The following PHLDA1 variants were observed in gnomAD, a reference collection of about 807,000 sequenced individuals.
PHLDA1 encodes pleckstrin homology-like domain family A member 1.
PHLDA1 carries 28 observed loss-of-function variants against 33.8 expected under a neutral mutation model. The ratio of observed to expected loss-of-function variants is 0.83; its 90% CI spans 0.61 to 1.14. The LOEUF (loss-of-function observed/expected upper bound fraction) is 1.14, where lower values mean the gene tolerates loss of function less well. Ranked by LOEUF, PHLDA1 falls within the 50% of genes most tolerant of loss-of-function variation. The pLI is 0.00. For synonymous variants in PHLDA1, 271 were observed against 243.6 expected, an observed-to-expected ratio of 1.11 and a Z score of -1.05; for missense variants, 595 against 548.6, an observed-to-expected ratio of 1.08 and a Z score of -0.84.
chr12:76,030,658 G>C (rs373058219), exon 1 of PHLDA1: 1 of 1,332,924 alleles, frequency 7.5e-7, no homozygotes, highest in Non-Finnish European at 1.1e-6. Context: ...TGCGAGTGAG[G>C]ATGAGAGTGT....
exon 1 of PHLDA1, chr12:76,030,782 T>C (rs1870879585): frequency 6.9e-7 from 1 of 1,449,382 alleles, no homozygotes; most frequent in Middle Eastern, 1.8e-4. Context: ...GAGGCTGGGG[T>C]TGGGGCTGGA....
Position 76,031,146 on chromosome 12 carries a change from T to C in PHLDA1, c.596A>G (p.Gln199Arg). The C allele has an allele frequency of 6.7e-7, 1 of 1,489,440 alleles. No individual in the cohort carries two copies. The highest frequency in any genetic ancestry group is 8.9e-7 in the Non-Finnish European group (1 of 1,127,846). 92.3% of individuals were successfully genotyped at this position (1,489,440 alleles called of 1,614,324 possible). A position where few individuals can be genotyped will look rare whatever the true frequency, so the allele number is the denominator to read the frequency against. The change falls in exon 1 of 2, where the codon CAG becomes CGG. Residue 199 changes from glutamine (Q) to arginine (R), a missense_variant. Around this residue, in one of 3 missense-constraint regions of PHLDA1, gnomAD observed 328 missense variants for 295.7 expected, o/e 1.11. Transcript: ENST00000266671. This position sits in a 1 kb window ranked among gnomAD's most constrained non-coding sequence, Gnocchi z 5.4. The stretch of plus-strand genomic sequence containing the variant: ...CTGCCCGGGCTGTTGTTGCTGCTGC[T>C]GCTGCTGCTGTTGCTGCTGCTGCTG...
Position 76,031,467 on chromosome 12 carries a change from A to G in PHLDA1, c.275T>C (p.Leu92Pro). The G allele has an allele frequency of 6.5e-7, 1 of 1,535,264 alleles. No individual in the cohort carries two copies. Among genetic ancestry groups the G allele is most frequent in the Non-Finnish European group, 8.8e-7 (1 of 1,142,658 alleles). The change falls in exon 1 of 2, where the codon CTG (leucine) becomes CCG (proline). Residue 92 changes from leucine (L) to proline (P), a missense_variant. Leu to Pro is a moderately conservative substitution (Grantham distance 98). Around this residue, in one of 3 missense-constraint regions of PHLDA1, gnomAD observed 263 missense variants for 232.3 expected, o/e 1.13. Transcript: ENST00000266671. This position sits in a 1 kb window ranked among gnomAD's most constrained non-coding sequence, Gnocchi z 5.4. ...GAGCGCGCAGAGGAGGCTAACACGC[A>G]GGAGGCAGAGCGGCGGCGGCGGCTC... is the stretch of plus-strand genomic sequence containing the variant.
At chr12:76,030,331 C>T (rs563519815) in intron 1 of PHLDA1, among the ~76,000 whole-genome samples, 179 bp downstream of exon 1, 5 of 152,336 alleles carry the variant, frequency 3.3e-5, no homozygotes, top group East Asian at 1.9e-4. Context: ...TCCCCAGCCT[C>T]CCCTCTCTGC....
At chr12:76,030,681 G>T in exon 1 of PHLDA1, 2 of 1,193,078 alleles carry the variant, frequency 1.7e-6, no homozygotes, top group Non-Finnish European at 2.5e-6. Context: ...ATGTGGATGT[G>T]GATGCGGATA....
At chr12:76,028,739 T>C (rs1870828179) in exon 2 of PHLDA1, 1 of 152,634 alleles carries the variant, frequency 6.6e-6, no homozygotes, top group African/African-American at 2.4e-5. Context: ...CCAAGTAGCA[T>C]CTGTCCTGGT....
exon 2 of PHLDA1, chr12:76,026,841 G>C (rs1436276655): frequency 6.6e-6 from 1 of 152,184 alleles, no homozygotes; most frequent in Non-Finnish European, 1.5e-5. Context: ...TGTTTAGCCT[G>C]TCCCAGAATT....
At chr12:76,029,681 T>C (rs1870848994) in exon 2 of PHLDA1, 1 of 152,666 alleles carries the variant, frequency 6.6e-6, no homozygotes, top group Non-Finnish European at 1.5e-5. Context: ...CCACCGCCCT[T>C]TTTTATTCTC....
chr12:76,028,852 T>C (rs962055290), exon 2 of PHLDA1: 1 of 152,664 alleles, frequency 6.6e-6, no homozygotes, highest in Non-Finnish European at 1.5e-5. Flanking sequence ...AAGTGGCTTC[T>C]AAGACAAGAC....
chr12:76,031,702 C>A lies in PHLDA1; in HGVS notation c.40G>T (p.Gly14Cys). 7.0e-7 allele frequency: 1 copy of A among 1,432,710 alleles called. No homozygotes were observed. Among genetic ancestry groups the A allele is most frequent in the South Asian group, 1.5e-5 (1 of 67,604 alleles). The allele number at this position is 1,432,710 out of a possible 1,614,324, so 88.7% of individuals were successfully genotyped here. ...TGGCGCCCGCACCGCGGGGGAAAGC[C>A]CAGCTCCAAGAGGCGCTCGGCAGCC... Residue 14 changes from glycine to cysteine, a missense_variant, in exon 1 of 2, where the codon GGC becomes TGC. Physicochemically the swap from Gly to Cys is radical, Grantham distance 159. Transcript: ENST00000266671. This position sits in a 1 kb window ranked among gnomAD's most constrained non-coding sequence, Gnocchi z 5.4.
In PHLDA1 at chr12:76,031,294, C is replaced by T. The variant is rs751337238; in HGVS notation, c.448G>A (p.Ala150Thr). The change falls in exon 1 of 2, where the codon GCG becomes ACG. Residue 150 changes from alanine (A) to threonine (T), a missense_variant. By Grantham distance (58) the Ala-to-Thr change is moderately conservative. Transcript: ENST00000266671. This position sits in a 1 kb window ranked among gnomAD's most constrained non-coding sequence, Gnocchi z 5.4. ...TTCTCCAGCACGCCCTCCTTCAGCG[C>T]TTTGCAGCCGCTACTCTCCAGCATC... 6.2e-7 allele frequency: 1 copy of T among 1,613,606 alleles called. No individual in the cohort carries two copies. The highest frequency in any genetic ancestry group is 2.2e-5 in the East Asian group (1 of 44,854).
exon 2 of PHLDA1, chr12:76,027,323 AG>A (rs1870794909): frequency 6.6e-6 from 1 of 152,182 alleles, no homozygotes; most frequent in South Asian, 2.1e-4. Flanking sequence ...ATAATTTCAA[AG>A]GTGTCAAAAC....
At chr12:76,028,185 T>C (rs1870817177) in exon 2 of PHLDA1, 1 of 152,012 alleles carries the variant, frequency 6.6e-6, no homozygotes. Context: ...CATATATACA[T>C]ACATACACAT....
Position 76,031,122 on chromosome 12 carries a change from T to G in PHLDA1, c.620A>C (p.Gln207Pro), listed in dbSNP as rs771390755. The stretch of plus-strand genomic sequence containing the variant: ...GGGTTGGGACGGCTCGGCCGGCCCC[T>G]GCCCGGGCTGTTGTTGCTGCTGCTG... Residue 207 changes from glutamine (Q) to proline (P), a missense_variant, in exon 1 of 2, where the codon CAG (glutamine) becomes CCG (proline). Transcript: ENST00000266671. This position sits in a 1 kb window ranked among gnomAD's most constrained non-coding sequence, Gnocchi z 5.4. 1 of 1,605,878 alleles carries G rather than the reference T, an allele frequency of 6.2e-7. No individual in the cohort carries two copies. The highest frequency in any genetic ancestry group is 1.1e-5 in the South Asian group (1 of 90,730).
exon 1 of PHLDA1, chr12:76,030,821 G>A (rs563792371): frequency 2.6e-6 from 4 of 1,564,892 alleles, no homozygotes; most frequent in Non-Finnish European, 3.5e-6. Flanking sequence ...GCTGCGAGGG[G>A]GGCTGCTGCT....
rs964049932 is a variant in PHLDA1 at position 76,030,762 on chromosome 12, G to A, written c.980C>T (p.Pro327Leu). 8 of 1,358,688 alleles carry A rather than the reference G, an allele frequency of 5.9e-6. No individual in the cohort carries two copies. The Admixed American group carries it at 5.9e-5, about 10-fold the overall frequency. 84.2% of individuals were successfully genotyped at this position (1,358,688 alleles called of 1,614,324 possible). A position where few individuals can be genotyped will look rare whatever the true frequency, so the allele number is the denominator to read the frequency against. ...GGGTTGTGATTGGGGCTGGGGTTGC[G>A]GCTGAGGCTGAGGCTGGGGTTGGGG... Residue 327 changes from proline (P) to leucine (L), a missense_variant, in exon 1 of 2, where the codon CCG (proline) becomes CTG (leucine). This residue lies in a region of PHLDA1 where 328 missense variants were observed against 295.7 expected (regional missense o/e 1.11). Transcript: ENST00000266671.
chr12:76,026,179 C>T (rs1004395249), exon 2 of PHLDA1: 4 of 152,020 alleles, frequency 2.6e-5, no homozygotes, highest in Admixed American at 6.6e-5. Flanking sequence ...TTTACTCTGC[C>T]GAGGACATTT....
At chr12:76,028,012 C>T (rs1262981919) in exon 2 of PHLDA1, 1 of 150,922 alleles carries the variant, frequency 6.6e-6, no homozygotes, top group African/African-American at 2.4e-5. Context: ...AAAAAAAAAT[C>T]CTCCATTGGG....
rs771390755 is a variant in PHLDA1 at position 76,031,122 on chromosome 12, T to A, written c.620A>T (p.Gln207Leu). ...GGGTTGGGACGGCTCGGCCGGCCCCTGCCCGGGCTGTTGTTGCTGCTGCTG... is the reference window on the plus strand; with the variant it reads ...GGGTTGGGACGGCTCGGCCGGCCCCAGCCCGGGCTGTTGTTGCTGCTGCTG... Residue 207 changes from glutamine (Q) to leucine (L), a missense_variant, in exon 1 of 2, where the codon CAG (glutamine) becomes CTG (leucine). Physicochemically the swap from Gln to Leu is moderately radical, Grantham distance 113 (BLOSUM62 -2). This residue lies in a region of PHLDA1 where 328 missense variants were observed against 295.7 expected (regional missense o/e 1.11). Transcript: ENST00000266671. This position sits in a 1 kb window ranked among gnomAD's most constrained non-coding sequence, Gnocchi z 5.4. 1.2e-6 allele frequency: 2 copies of A among 1,605,760 alleles called. No homozygotes were observed. Among genetic ancestry groups the A allele is most frequent in the East Asian group, 2.2e-5 (1 of 44,642 alleles).
Sources: gnomAD v4.1 joint callset for allele counts (sites outside exome capture counted in the v4.1 genomes callset) on GRCh38, gnomAD v4.1.1 for gene constraint, gnomAD v4.1.1 regional missense constraint, Gnocchi (gnomAD v3.1) non-coding constraint, MANE v1.5 for transcripts, NCBI Gene and HGNC (gene_info 2026-07-23, HGNC 2026-07-21) for gene names.